Variants in SNX30 observed in about 807,000 individuals in gnomAD.
SNX30 encodes the protein sorting nexin-30.
SNX30 carries 24 observed loss-of-function variants against 46.4 expected under a neutral mutation model. The observed-to-expected ratio is 0.52, with a 90% CI of 0.37 to 0.73. The LOEUF is 0.73. SNX30 is among the 30% of genes least tolerant of loss of function. SNX30 has a pLI of 0.00. For missense variants in SNX30, 533 were observed against 555.7 expected, an observed-to-expected ratio of 0.96 and a Z score of 0.41; for synonymous variants, 189 against 211.5, an observed-to-expected ratio of 0.89 and a Z score of 0.92.
intron 7 of SNX30, among the ~76,000 whole-genome samples, chr9:112,856,302 G>A (rs2131491835): frequency 6.8e-6 from 1 of 146,644 alleles, no homozygotes; most frequent in East Asian, 2.1e-4. Context: ...GGGTGTCGGT[G>A]TTGGGGGGCT....
At chr9:112,858,479 C>T (rs926459952) in intron 7 of SNX30, among the ~76,000 whole-genome samples, 1 of 152,092 alleles carries the variant, frequency 6.6e-6, no homozygotes, top group African/African-American at 2.4e-5. Context: ...TGTGCCACTG[C>T]ACTCCAGCCT....
intron 1 of SNX30, among the ~76,000 whole-genome samples, chr9:112,772,699 A>T (rs1000715291): frequency 3.3e-5 from 5 of 152,210 alleles, no homozygotes; most frequent in Non-Finnish European, 5.9e-5. Flanking sequence ...TTTATTAAAG[A>T]TACATTGCAG....
chr9:112,835,794 T>C (rs913257507), intron 4 of SNX30, among the ~76,000 whole-genome samples: 3 of 152,160 alleles, frequency 2.0e-5, no homozygotes, highest in African/African-American at 7.2e-5. Context: ...TTACTCCCCT[T>C]ATATGGCTTT....
In SNX30 at chr9:112,789,351, C is replaced by G. The variant is rs375014434; in HGVS notation, c.157-15425C>G. On this transcript the variant is annotated intron_variant, in intron 1 of 8. Transcript: ENST00000374232. ...GGAATGTCCTGGCCAAGCTCTCCCC[C>G]AGCCTTGTTTTTCCATTTGGCAAGT... Among the ~76,000 whole-genome samples, 229 of 152,290 alleles carry G rather than the reference C, an allele frequency of 1.5e-3. 2 individuals carry two copies. The South Asian group carries it at 0.026, about 18-fold the overall frequency.
chr9:112,857,465 A>G (rs980855365), intron 7 of SNX30, among the ~76,000 whole-genome samples: 1 of 152,080 alleles, frequency 6.6e-6, no homozygotes, highest in Non-Finnish European at 1.5e-5. Flanking sequence ...CAGAGGACCA[A>G]TCTCTCTGCC....
rs529936900 is a variant in SNX30, at chr9:112,813,290, C to T, written c.349-4415C>T. ...CCAGCCTGGGCAACATAGTGAGACG[C>T]CTATCTCTACAAAAAAAACAAACAA... On this transcript the variant is annotated intron_variant, in intron 2 of 8. Transcript: ENST00000374232. 8.6e-5 allele frequency among the ~76,000 whole-genome samples: 13 copies of T among 150,814 alleles called. No homozygotes were observed. The South Asian group carries it at 1.9e-3, about 22-fold the overall frequency.
intron 6 of SNX30, 145 bp from the exon 7 acceptor site, chr9:112,850,714 T>C: frequency 3.9e-6 from 2 of 506,970 alleles, no homozygotes; most frequent in Admixed American, 3.3e-5. Context: ...GTTTCTGCCA[T>C]GGCCAGACTG....
chr9:112,812,597 A>G (rs1840337033), intron 2 of SNX30, among the ~76,000 whole-genome samples: 1 of 152,128 alleles, frequency 6.6e-6, no homozygotes, highest in South Asian at 2.1e-4. Context: ...ATTGCTTTCC[A>G]AAGCATCAAG....
chr9:112,854,752 G>A (rs1248979880), intron 7 of SNX30, among the ~76,000 whole-genome samples: 1 of 152,212 alleles, frequency 6.6e-6, no homozygotes, highest in East Asian at 1.9e-4. Flanking sequence ...GTCCAGCACG[G>A]TTGGAGCACA....
intron 6 of SNX30, among the ~76,000 whole-genome samples, chr9:112,842,926 G>T (rs1840881933): frequency 1.3e-5 from 2 of 152,004 alleles, no homozygotes; most frequent in African/African-American, 4.8e-5. Flanking sequence ...GGTACAAAAG[G>T]TTAGTTACCC....
intron 1 of SNX30, among the ~76,000 whole-genome samples, chr9:112,794,718 CAT>C (rs1342479529): frequency 1.3e-5 from 2 of 152,144 alleles, no homozygotes; most frequent in Non-Finnish European, 2.9e-5. Context: ...CTTCATAAAT[CAT>C]ATGTTTAATG....
intron 7 of SNX30, among the ~76,000 whole-genome samples, chr9:112,857,144 C>T (rs764518304): frequency 6.6e-6 from 1 of 152,204 alleles, no homozygotes; most frequent in Non-Finnish European, 1.5e-5. Flanking sequence ...GCTTCACTCT[C>T]GTGTCATTGC....
rs1162301619 is a variant in SNX30, at chr9:112,830,721, A to T, written c.460-4A>T. 6.2e-7 allele frequency: 1 copy of T among 1,607,142 alleles called. No homozygotes were observed. The highest frequency in any genetic ancestry group is 8.5e-7 in the Non-Finnish European group (1 of 1,178,254). ...CTCTGGTTTTTTTCTTCATGTCTTC[A>T]TAGCCTCTTCCCGAGAAGTTTGTGG... On this transcript the variant is annotated splice_region_variant and splice_polypyrimidine_tract_variant and intron_variant, in intron 3 of 8. Transcript: ENST00000374232.
At position 112,855,919 on chromosome 9, in the gene SNX30, A is replaced by G. The variant is rs922991584; in HGVS notation, c.1101+4974A>G. 9.9e-5 allele frequency among the ~76,000 whole-genome samples: 15 copies of G among 152,162 alleles called. 1 individual carries two copies. Among genetic ancestry groups the G allele is most frequent in the Non-Finnish European group, 1.8e-4 (12 of 68,034 alleles). On this transcript the variant is annotated intron_variant, in intron 7 of 8. Coordinates refer to ENST00000374232, the MANE Select transcript of SNX30 (RefSeq NM_001012994.2). ...TAACCCGCCATGGAAGGTGGGGGGCATCAGAGCTCTTACAGAAGATAAGGA... is the reference window on the plus strand; with the variant it reads ...TAACCCGCCATGGAAGGTGGGGGGCGTCAGAGCTCTTACAGAAGATAAGGA...
chr9:112,883,453 G>C (rs1841607104), downstream of SNX30, among the ~76,000 whole-genome samples: 1 of 152,012 alleles, frequency 6.6e-6, no homozygotes, highest in Admixed American at 6.6e-5. Context: ...TACCTTGGAG[G>C]CTGTTTCCTC....
At chr9:112,863,396 A>G (rs1167377600) in intron 7 of SNX30, among the ~76,000 whole-genome samples, 4 of 152,208 alleles carry the variant, frequency 2.6e-5, no homozygotes, top group Non-Finnish European at 5.9e-5. Context: ...TTGAGTTAGG[A>G]GAGAGAAGCC....
downstream of SNX30, among the ~76,000 whole-genome samples, chr9:112,883,900 TTGGCCAGGC>T (rs1325510036): frequency 6.6e-6 from 1 of 152,190 alleles, no homozygotes; most frequent in Non-Finnish European, 1.5e-5. Context: ...TTTCACTATG[TTGGCCAGGC>T]TGGTCTCAAA....
intron 1 of SNX30, among the ~76,000 whole-genome samples, chr9:112,791,449 C>G (rs1181280508): frequency 9.5e-6 from 1 of 105,438 alleles, no homozygotes; most frequent in Non-Finnish European, 1.7e-5. Flanking sequence ...CTTGCTCTGT[C>G]GCCAGGCTGG....
chr9:112,882,488 T>C (rs1237875817), downstream of SNX30, among the ~76,000 whole-genome samples: 2 of 152,096 alleles, frequency 1.3e-5, no homozygotes, highest in African/African-American at 4.8e-5. Flanking sequence ...GATTCACACT[T>C]TAAGGACCTT....
Sources: allele counts gnomAD v4.1 joint callset (sites outside exome capture counted in the v4.1 genomes callset), GRCh38; gene constraint gnomAD v4.1.1; transcripts MANE v1.5; gene names NCBI Gene and HGNC (gene_info 2026-07-23, HGNC 2026-07-21).